Variants in PDE7A observed in about 807,000 individuals in gnomAD.
PDE7A encodes high affinity 3',5'-cyclic-AMP phosphodiesterase 7A.
PDE7A carries 39 observed loss-of-function variants against 64.3 expected under a neutral mutation model. That is an observed-to-expected ratio of 0.61 (90% confidence interval 0.47 to 0.79). The LOEUF (loss-of-function observed/expected upper bound fraction) is 0.79. Ranked by LOEUF, PDE7A falls within the 30% of genes least tolerant of loss-of-function variation. The pLI is 0.00. For synonymous variants in PDE7A, 203 were observed against 206.8 expected (o/e 0.98, Z 0.16); for missense variants, 470 against 582.8 (o/e 0.81, Z 1.99).
chr8:65,750,485 T>TGTGTGC (rs1807885880), intron 3 of PDE7A, among the ~76,000 whole-genome samples: 1 of 136,218 alleles, frequency 7.3e-6, no homozygotes, highest in Non-Finnish European at 1.5e-5. Context: ...TGTGTGTGTG[T>TGTGTGC]GTGTGTGTGT....
At chr8:65,788,902 T>G in intron 1 of PDE7A, 1 of 1,612,558 alleles carries the variant, frequency 6.2e-7, no homozygotes, top group Non-Finnish European at 8.5e-7. Context: ...ATCCACTTGA[T>G]AAGAACCAAG....
At chr8:65,792,999 T>C (rs1204758595) in intron 1 of PDE7A, among the ~76,000 whole-genome samples, 1 of 147,434 alleles carries the variant, frequency 6.8e-6, no homozygotes, top group Non-Finnish European at 1.5e-5. Context: ...TATAAAGAAG[T>C]AAAAAAAAAA....
chr8:65,828,547 C>A (rs1046752016), intron 1 of PDE7A, among the ~76,000 whole-genome samples: 4 of 151,994 alleles, frequency 2.6e-5, no homozygotes, highest in Non-Finnish European at 5.9e-5. Context: ...AAATTGTTAC[C>A]AAAAACCTGT....
At chr8:65,774,057 CAT>C (rs373461029) in intron 3 of PDE7A, among the ~76,000 whole-genome samples, 131 of 152,294 alleles carry the variant, frequency 8.6e-4, no homozygotes, top group African/African-American at 2.6e-3. Flanking sequence ...AATACGTTCA[CAT>C]GAGTCAAAAT....
intron 1 of PDE7A, among the ~76,000 whole-genome samples, chr8:65,808,961 G>A (rs566654513): frequency 1.2e-4 from 19 of 152,090 alleles, no homozygotes; most frequent in Non-Finnish European, 1.9e-4. Flanking sequence ...ACACATAATC[G>A]CTTTGAAAAA....
At chr8:65,810,949 C>A (rs929261017) in intron 1 of PDE7A, among the ~76,000 whole-genome samples, 6 of 152,056 alleles carry the variant, frequency 3.9e-5, no homozygotes, top group Admixed American at 6.5e-5. Context: ...TGCCCACATA[C>A]AACCAATTAG....
At chr8:65,790,958 GT>G (rs1428844164) in intron 1 of PDE7A, among the ~76,000 whole-genome samples, 1 of 152,146 alleles carries the variant, frequency 6.6e-6, no homozygotes, top group East Asian at 1.9e-4. Flanking sequence ...TGGCTTCGAG[GT>G]CATTCTCTGC....
chr8:65,770,119 TTCTGTGTGTGTGTGTGTG>T (rs1809007773), intron 3 of PDE7A, among the ~76,000 whole-genome samples: 1 of 120,514 alleles, frequency 8.3e-6, no homozygotes, highest in African/African-American at 3.5e-5. Context: ...TGCAGTATAC[TTCTGTGTGTGTGTGTGTG>T]TGTGTGTGTG....
At chr8:65,739,208 T>C (rs1311546924) in intron 6 of PDE7A, among the ~76,000 whole-genome samples, 5 of 152,244 alleles carry the variant, frequency 3.3e-5, no homozygotes, top group Admixed American at 6.5e-5. Context: ...CAGAAGACTA[T>C]GTAGAGCCGA....
intron 1 of PDE7A, among the ~76,000 whole-genome samples, chr8:65,807,787 C>T (rs895238320): frequency 1.3e-5 from 2 of 152,164 alleles, no homozygotes; most frequent in Non-Finnish European, 2.9e-5. Context: ...GGGATGAGCA[C>T]ATGGCTTTTT....
intron 8 of PDE7A, 65 bp from the exon 9 acceptor site, chr8:65,727,031 C>A (rs867306955): frequency 3.9e-6 from 4 of 1,016,030 alleles, no homozygotes; most frequent in Middle Eastern, 2.1e-4. Flanking sequence ...TCATTACTAA[C>A]AATACTGTTA....
intron 7 of PDE7A, chr8:65,728,388 C>T (rs1806695588): frequency 6.6e-6 from 1 of 152,100 alleles, no homozygotes; most frequent in African/African-American, 2.4e-5. Flanking sequence ...TTTCTACTCC[C>T]TGTGTTAAGT....
chr8:65,763,732 G>C (rs1808627790), intron 3 of PDE7A, among the ~76,000 whole-genome samples: 1 of 152,136 alleles, frequency 6.6e-6, no homozygotes. Flanking sequence ...AAAGTAAGCT[G>C]AGAAAGAAAG....
intron 1 of PDE7A, among the ~76,000 whole-genome samples, chr8:65,806,496 A>C (rs1810118367): frequency 6.6e-6 from 1 of 152,234 alleles, no homozygotes; most frequent in Admixed American, 6.5e-5. Context: ...TAAAAGCGTG[A>C]ATTTATGGTA....
chr8:65,751,720 G>C (rs1242855890), intron 3 of PDE7A, among the ~76,000 whole-genome samples: 1 of 152,162 alleles, frequency 6.6e-6, no homozygotes, highest in African/African-American at 2.4e-5. Context: ...TCGAACTCCC[G>C]ACCTCAGGTG....
chr8:65,802,062 A>G (rs1810001456), intron 1 of PDE7A, among the ~76,000 whole-genome samples: 1 of 152,214 alleles, frequency 6.6e-6, no homozygotes. Flanking sequence ...AACACTCTAC[A>G]AAGAAATTTA....
rs1402713476 is a variant in PDE7A, at chr8:65,747,210, A to AAG, written c.435+440_435+441dup. On this transcript the variant is annotated intron_variant, in intron 4 of 12. Coordinates refer to ENST00000401827, the MANE Select transcript of PDE7A (RefSeq NM_001242318.3). ...TATTAATACACACACACACACAAAA[A>AAG]AGAGAGAGAGACCTAACTTTCTGTG... Among the ~76,000 whole-genome samples, 11 of 152,280 alleles carry AAG rather than the reference A, an allele frequency of 7.2e-5. No individual in the cohort carries two copies. In the East Asian group the frequency reaches 9.6e-4, roughly 13 times the overall value.
chr8:65,778,937 A>G (rs1349991468), intron 3 of PDE7A, among the ~76,000 whole-genome samples: 1 of 152,190 alleles, frequency 6.6e-6, no homozygotes, highest in Non-Finnish European at 1.5e-5. Flanking sequence ...GGCTCTAAAC[A>G]CCTGTTTTTG....
intron 1 of PDE7A, among the ~76,000 whole-genome samples, chr8:65,805,257 G>C (rs908642110): frequency 6.6e-6 from 1 of 152,194 alleles, no homozygotes; most frequent in African/African-American, 2.4e-5. Flanking sequence ...TAGAACCTGG[G>C]ATACAAACTG....
Sources: gnomAD v4.1 joint callset for allele counts (sites outside exome capture counted in the v4.1 genomes callset) on GRCh38, gnomAD v4.1.1 for gene constraint, MANE v1.5 for transcripts, NCBI Gene and HGNC (gene_info 2026-07-23, HGNC 2026-07-21) for gene names.